Variants in CEP128 observed in about 807,000 individuals in gnomAD.
CEP128 encodes the protein centrosomal protein 128kDa.
A neutral mutation model predicts 156.7 loss-of-function variants in CEP128; 132 were observed. That is an observed-to-expected ratio of 0.84 (90% CI 0.73 to 0.97). The LOEUF (loss-of-function observed/expected upper bound fraction) is 0.97, where lower values mean the gene tolerates loss of function less well. Ranked by LOEUF, CEP128 falls within the 50% of genes least tolerant of loss-of-function variation. The probability of loss-of-function intolerance (pLI) is 0.00; values close to 1 mark genes in which losing one functional copy is unlikely to be tolerated. For missense variants in CEP128, 1,252 were observed against 1,281.9 expected (o/e 0.98, Z 0.36); for synonymous variants, 469 against 448.9 (o/e 1.04, Z -0.57).
intron 23 of CEP128, among the ~76,000 whole-genome samples, chr14:80,525,753 T>C (rs938108700): frequency 8.5e-5 from 13 of 152,166 alleles, no homozygotes; most frequent in Non-Finnish European, 1.6e-4. Flanking sequence ...CCTGTCCTAA[T>C]TGTGTTAATT....
intron 19 of CEP128, among the ~76,000 whole-genome samples, chr14:80,631,858 T>G (rs2140730245): frequency 6.6e-6 from 1 of 152,174 alleles, no homozygotes; most frequent in East Asian, 1.9e-4. Flanking sequence ...TCTTAAGAAT[T>G]TATTTTCAAT....
At chr14:80,605,969 ATTAT>A (rs569013855) in intron 19 of CEP128, among the ~76,000 whole-genome samples, 7 of 151,880 alleles carry the variant, frequency 4.6e-5, no homozygotes, top group African/African-American at 1.2e-4. Flanking sequence ...ACTTTAAAAA[ATTAT>A]TTATTTTATT....
intron 13 of CEP128, among the ~76,000 whole-genome samples, chr14:80,805,803 G>C (rs1483390902): frequency 6.6e-6 from 1 of 152,142 alleles, no homozygotes; most frequent in African/African-American, 2.4e-5. Flanking sequence ...GGAAGTCTGG[G>C]AGCCCTGAAC....
intron 19 of CEP128, among the ~76,000 whole-genome samples, chr14:80,601,924 G>A (rs1177589227): frequency 6.6e-6 from 1 of 152,110 alleles, no homozygotes; most frequent in African/African-American, 2.4e-5. Context: ...AAAAAGTGGA[G>A]ATTGGCAGAT....
chr14:80,916,703 C>G lies in CEP128; in HGVS notation c.-15-141G>C, dbSNP rs1298397196. The stretch of plus-strand genomic sequence containing the variant: ...CACACTGTAATTTCTACATACATAG[C>G]TTAAAAACACAAGAAGTCACTTCCC... On this transcript the variant is annotated intron_variant, in intron 2 of 24. Transcript: ENST00000555265. 12 of 603,900 alleles carry G rather than the reference C, an allele frequency of 2.0e-5. No individual in the cohort carries two copies. The African/African-American group carries it at 2.1e-4, about 10-fold the overall frequency. The allele number at this position is 603,900 out of a possible 1,614,324, so 37.4% of individuals were successfully genotyped here. A position where few individuals can be genotyped will look rare whatever the true frequency, so the allele number is the denominator to read the frequency against.
intron 9 of CEP128, among the ~76,000 whole-genome samples, chr14:80,850,961 A>C (rs753027420): frequency 1.7e-4 from 26 of 152,206 alleles, no homozygotes; most frequent in Non-Finnish European, 3.2e-4. Flanking sequence ...GGAATTTTGA[A>C]TATATCATTG....
At chr14:80,933,200 T>C (rs1885574489) in intron 2 of CEP128, among the ~76,000 whole-genome samples, 1 of 152,196 alleles carries the variant, frequency 6.6e-6, no homozygotes, top group Non-Finnish European at 1.5e-5. Context: ...TGTGGTTCCC[T>C]GCCTTCCAGC....
At chr14:80,495,519 T>C (rs993830178), downstream of CEP128, among the ~76,000 whole-genome samples, 1 of 151,870 alleles carries the variant, frequency 6.6e-6, no homozygotes, top group African/African-American at 2.4e-5. Flanking sequence ...AATAACATGA[T>C]ATAATGGCTT....
chr14:80,956,421 C>T (rs1328573117), intron 2 of CEP128, among the ~76,000 whole-genome samples: 2 of 152,234 alleles, frequency 1.3e-5, no homozygotes, highest in African/African-American at 4.8e-5. Flanking sequence ...ACGTCCAGAA[C>T]CCTGCTTTGT....
intron 19 of CEP128, among the ~76,000 whole-genome samples, chr14:80,614,866 A>G (rs1335367622): frequency 3.3e-5 from 5 of 152,190 alleles, no homozygotes; most frequent in Non-Finnish European, 7.3e-5. Context: ...CTAGACTATA[A>G]CTCCAGGTCA....
At chr14:80,944,859 AGAAAAAAC>A (rs1886298752), upstream of CEP128, among the ~76,000 whole-genome samples, 1 of 66,374 alleles carries the variant, frequency 1.5e-5, no homozygotes, top group Non-Finnish European at 3.2e-5. Flanking sequence ...AAAAAAAAAC[AGAAAAAAC>A]AGAACAAAAC....
chr14:80,861,458 A>G, intron 9 of CEP128, among the ~76,000 whole-genome samples: 1 of 152,124 alleles, frequency 6.6e-6, no homozygotes, highest in East Asian at 1.9e-4. Flanking sequence ...TCAACATTAT[A>G]TGACTCCTGA....
chr14:80,625,082 T>C (rs987705051), intron 19 of CEP128, among the ~76,000 whole-genome samples: 8 of 152,222 alleles, frequency 5.3e-5, no homozygotes, highest in Non-Finnish European at 7.3e-5. Context: ...TTAATCCATT[T>C]TGAGTCAATA....
chr14:80,825,620 G>A (rs772129309), intron 13 of CEP128, among the ~76,000 whole-genome samples: 21 of 152,210 alleles, frequency 1.4e-4, no homozygotes, highest in Non-Finnish European at 2.5e-4. Flanking sequence ...TAATGTATTA[G>A]TAATACATTC....
At chr14:80,509,250 A>T (rs1888132270) in intron 23 of CEP128, among the ~76,000 whole-genome samples, 2 of 152,274 alleles carry the variant, frequency 1.3e-5, no homozygotes, top group South Asian at 4.1e-4. Flanking sequence ...CTGTACTAAT[A>T]TACATTCCAA....
chr14:80,675,873 GC>G (rs1896040124), intron 19 of CEP128, among the ~76,000 whole-genome samples: 1 of 151,922 alleles, frequency 6.6e-6, no homozygotes, highest in African/African-American at 2.4e-5. Context: ...TATATTTCAG[GC>G]TTTTACATCT....
chr14:80,779,259 C>A (rs1900968208), intron 15 of CEP128, among the ~76,000 whole-genome samples: 2 of 152,020 alleles, frequency 1.3e-5, no homozygotes, highest in African/African-American at 4.8e-5. Context: ...TATATAGGAA[C>A]GCAATCAATG....
At chr14:80,809,697 G>A (rs1389142500) in intron 13 of CEP128, among the ~76,000 whole-genome samples, 1 of 151,942 alleles carries the variant, frequency 6.6e-6, no homozygotes, top group East Asian at 1.9e-4. Context: ...ATACCAAGAG[G>A]GAATGGGAAG....
chr14:80,589,094 T>C (rs1279209763), intron 19 of CEP128, among the ~76,000 whole-genome samples: 3 of 152,094 alleles, frequency 2.0e-5, no homozygotes, highest in Non-Finnish European at 2.9e-5. Context: ...AAGTGGTCCT[T>C]ACTGATTTTG....
Sources: gnomAD v4.1 joint callset for allele counts (sites outside exome capture counted in the v4.1 genomes callset) on GRCh38, gnomAD v4.1.1 for gene constraint, MANE v1.5 for transcripts, NCBI Gene and HGNC (gene_info 2026-07-23, HGNC 2026-07-21) for gene names.